TIPARP: variants seen among roughly 807,000 people sequenced by gnomAD.
TIPARP encodes TCDD inducible poly(ADP-ribose) polymerase, also known as protein mono-ADP-ribosyltransferase TIPARP.
In TIPARP, 12 loss-of-function variants were observed where a neutral mutation model predicts 56.5. The observed-to-expected ratio is 0.21, with a 90% CI of 0.14 to 0.34. The LOEUF (loss-of-function observed/expected upper bound fraction) is 0.34, where lower values mean the gene tolerates loss of function less well. Among genes scored for constraint, TIPARP ranks in the 10% least tolerant of loss-of-function variants. TIPARP has a pLI of 1.00. For synonymous variants in TIPARP, 296 were observed against 265.7 expected, an observed-to-expected ratio of 1.11 and a Z score of -1.11; for missense variants, 604 against 781.6, an observed-to-expected ratio of 0.77 and a Z score of 2.71.
intron 1 of TIPARP, among the ~76,000 whole-genome samples, chr3:156,677,014 GGT>G (rs751878658): frequency 2.2e-4 from 33 of 152,022 alleles, no homozygotes; most frequent in Non-Finnish European, 3.8e-4. Flanking sequence ...TGTTTTTGGG[GGT>G]TGTAAAAGTA....
intron 2 of TIPARP, among the ~76,000 whole-genome samples, chr3:156,681,698 C>A (rs548711536): frequency 6.6e-6 from 1 of 152,220 alleles, no homozygotes; most frequent in East Asian, 1.9e-4. Context: ...AAAAGGATTT[C>A]AATAATACAT....
At chr3:156,675,126 C>T (rs998720245) in intron 1 of TIPARP, 5 of 152,272 alleles carry the variant, frequency 3.3e-5, no homozygotes, top group African/African-American at 9.6e-5. Flanking sequence ...GCGGCCTCCC[C>T]CGCGGGCCGA....
chr3:156,696,177 C>A, intron 4 of TIPARP, 152 bp downstream of exon 4: 1 of 763,938 alleles, frequency 1.3e-6, no homozygotes, highest in Admixed American at 3.7e-5. Context: ...AATTCCTCAA[C>A]AAATTGAGTG....
At position 156,702,015 on chromosome 3, in the gene TIPARP, A is replaced by G. The variant is rs1177987936; in HGVS notation, c.1248-1409A>G. ...TCCTAAAAGACTGTGTGTTGATGAT[A>G]ATGCGGTGGTGGTGGTGGTGGTGGT... On this transcript the variant is annotated intron_variant, in intron 4 of 5. Coordinates refer to ENST00000295924, the MANE Select transcript of TIPARP (RefSeq NM_015508.5). Among the ~76,000 whole-genome samples, 7 of 108,092 alleles carry G rather than the reference A, an allele frequency of 6.5e-5. No individual in the cohort carries two copies. The Admixed American group carries it at 7.6e-4, about 12-fold the overall frequency. 70.9% of individuals were successfully genotyped at this position (108,092 alleles called of 152,430 possible). A position where few individuals can be genotyped will look rare whatever the true frequency, so the allele number is the denominator to read the frequency against.
At position 156,678,553 on chromosome 3, in the gene TIPARP, CAGGAGCACTTGGAA is replaced by C. The variant is rs779735625; in HGVS notation, c.859_872del (p.Glu287IlefsTer4). On this transcript the variant is annotated frameshift_variant, in exon 2 of 6. Transcript: ENST00000295924. LOFTEE classifies it high-confidence loss of function. ...GTGGCAGAGTGTATTCAATGATTCTCAGGAGCACTTGGAAAGATTTTACTGTAACCCAGAAAATG... is the reference window on the plus strand; with the variant it reads ...GTGGCAGAGTGTATTCAATGATTCTCAGATTTTACTGTAACCCAGAAAATG... 1.9e-6 allele frequency: 3 copies of C among 1,614,116 alleles called. No homozygotes were observed.
intron 4 of TIPARP, among the ~76,000 whole-genome samples, chr3:156,702,272 A>G (rs1263259663): frequency 6.6e-6 from 1 of 152,212 alleles, no homozygotes; most frequent in Non-Finnish European, 1.5e-5. Context: ...GCTCTTTGCT[A>G]GCTATACTCG....
rs775069832 is a variant in TIPARP at position 156,677,961 on chromosome 3, T to C, written c.264T>C (p.Pro88=). ...CAGATGAGAACAGCTTACATGAACCTATGATGAAGAAAGCCATGGAAATCA... is the reference window on the plus strand; with the variant it reads ...CAGATGAGAACAGCTTACATGAACCCATGATGAAGAAAGCCATGGAAATCA... ...QSTDENSLHE[P]MMKKAMEINS... Residue 88 remains proline, a synonymous_variant, in exon 2 of 6, where the codon CCT becomes CCC. Transcript: ENST00000295924. 27 of 1,614,122 alleles carry C rather than the reference T, an allele frequency of 1.7e-5. 1 individual carries two copies. The African/African-American group carries it at 3.1e-4, about 18-fold the overall frequency.
intron 4 of TIPARP, among the ~76,000 whole-genome samples, chr3:156,698,828 C>T (rs2108496744): frequency 6.6e-6 from 1 of 152,212 alleles, no homozygotes; most frequent in East Asian, 1.9e-4. Flanking sequence ...TGGATCTGGG[C>T]AAAGTAAATT....
chr3:156,681,902 A>G (rs576414119), intron 2 of TIPARP, among the ~76,000 whole-genome samples: 3 of 152,150 alleles, frequency 2.0e-5, no homozygotes, highest in East Asian at 1.9e-4. Context: ...CCAAATATAC[A>G]GTTGAGAAAC....
intron 1 of TIPARP, chr3:156,675,617 G>A (rs1279939572): frequency 6.6e-6 from 1 of 152,250 alleles, no homozygotes; most frequent in Non-Finnish European, 1.5e-5. Context: ...GCGCGGCCCG[G>A]GACCAGGAGC....
At chr3:156,678,827 C>G (rs372055173) in intron 2 of TIPARP, among the ~76,000 whole-genome samples, 3 of 152,118 alleles carry the variant, frequency 2.0e-5, no homozygotes. Flanking sequence ...TTGAACAATT[C>G]ATATGTCAGT....
intron 2 of TIPARP, among the ~76,000 whole-genome samples, chr3:156,682,898 A>T (rs564971076): frequency 6.6e-6 from 1 of 152,356 alleles, no homozygotes; most frequent in Admixed American, 6.5e-5. Context: ...AGGATAAAGC[A>T]ATCCAATGAA....
At chr3:156,696,733 T>C (rs1722722610) in intron 4 of TIPARP, among the ~76,000 whole-genome samples, 1 of 152,192 alleles carries the variant, frequency 6.6e-6, no homozygotes, top group Non-Finnish European at 1.5e-5. Flanking sequence ...ATGGCCACCT[T>C]TGAAAATTAG....
chr3:156,681,444 T>C (rs774284923), intron 2 of TIPARP, among the ~76,000 whole-genome samples: 2 of 152,248 alleles, frequency 1.3e-5, no homozygotes, highest in Non-Finnish European at 2.9e-5. Context: ...TTGTGTGATA[T>C]ACTTGGGGAA....
At chr3:156,686,736 C>A (rs1163370385) in intron 2 of TIPARP, among the ~76,000 whole-genome samples, 2 of 152,076 alleles carry the variant, frequency 1.3e-5, no homozygotes, top group African/African-American at 4.8e-5. Context: ...TTATATCTTA[C>A]TAGGCATTAG....
chr3:156,685,037 G>T (rs906252265), intron 2 of TIPARP, among the ~76,000 whole-genome samples: 1 of 152,186 alleles, frequency 6.6e-6, no homozygotes, highest in East Asian at 1.9e-4. Flanking sequence ...TGTTTGTAAA[G>T]ATTTATATTC....
intron 1 of TIPARP, among the ~76,000 whole-genome samples, chr3:156,676,228 C>T (rs1039419691): frequency 1.3e-5 from 2 of 152,214 alleles, no homozygotes; most frequent in Non-Finnish European, 2.9e-5. Context: ...CATGTCAGAT[C>T]CCTCCTTCTT....
At position 156,705,158 on chromosome 3, in the gene TIPARP, G is replaced by T; in HGVS notation, c.*27G>T. The T allele has an allele frequency of 3.3e-6, 4 of 1,215,136 alleles. No individual in the cohort carries two copies. Among genetic ancestry groups the T allele is most frequent in the Non-Finnish European group, 2.2e-6 (2 of 916,420 alleles). The allele number at this position is 1,215,136 out of a possible 1,614,324, so 75.3% of individuals were successfully genotyped here. Reference sequence around the variant, plus strand: ...AAATCTTGGTACTGCTAAATTATTTGATATGAACTCAATCCAGCATTTGTA... The same window carrying T: ...AAATCTTGGTACTGCTAAATTATTTTATATGAACTCAATCCAGCATTTGTA... On this transcript the variant is annotated 3_prime_UTR_variant, in exon 6 of 6. Transcript: ENST00000295924.
chr3:156,681,372 GT>G (rs34493316), intron 2 of TIPARP, among the ~76,000 whole-genome samples: 1 of 152,102 alleles, frequency 6.6e-6, no homozygotes, highest in Admixed American at 6.6e-5. Flanking sequence ...TTATCCCACT[GT>G]TTTCAGTAGT....
Sources: allele counts gnomAD v4.1 joint callset (sites outside exome capture counted in the v4.1 genomes callset), GRCh38; gene constraint gnomAD v4.1.1; transcripts MANE v1.5; gene names NCBI Gene and HGNC (gene_info 2026-07-23, HGNC 2026-07-21).